Variants in PCDHGA2 observed in about 807,000 individuals in gnomAD.
PCDHGA2 encodes protocadherin gamma-A2.
Under a neutral mutation model 59.2 loss-of-function variants are expected in PCDHGA2, and 40 were observed. That is an observed-to-expected ratio of 0.68 (90% CI 0.52 to 0.88). The LOEUF is 0.88. Among genes scored for constraint, PCDHGA2 ranks in the 40% least tolerant of loss-of-function variants. The probability of loss-of-function intolerance (pLI) is 0.00; values close to 1 mark genes in which losing one functional copy is unlikely to be tolerated. For missense variants in PCDHGA2, 1,226 were observed against 1,204.0 expected, an observed-to-expected ratio of 1.02 and a Z score of -0.27; for synonymous variants, 560 against 526.0, an observed-to-expected ratio of 1.06 and a Z score of -0.89.
At chr5:141,437,930 G>A (rs142381129) in intron 1 of PCDHGA2, among the ~76,000 whole-genome samples, 2,019 of 152,152 alleles carry the variant, frequency 0.013, 16 homozygotes, top group Middle Eastern at 0.034. Context: ...TAGAGATGGG[G>A]TTTCACCATA....
chr5:141,422,194 C>A, intron 1 of PCDHGA2: 1 of 1,562,366 alleles, frequency 6.4e-7, no homozygotes, highest in South Asian at 1.2e-5. Flanking sequence ...AATTCAAGGC[C>A]AAGATGGTGG....
intron 1 of PCDHGA2, chr5:141,421,770 G>A: frequency 6.2e-7 from 1 of 1,613,856 alleles, no homozygotes; most frequent in Non-Finnish European, 8.5e-7. Context: ...ACTTTTCCTT[G>A]CAACTGCGGG....
chr5:141,376,294 C>G lies in PCDHGA2; in HGVS notation c.2424+34899C>G, dbSNP rs572453488. Reference sequence around the variant, plus strand: ...GAGGTGGCTTAGCGAGCATGCCCGGCTCGCACTTTGTGGGCGTGGAAGGGG... The same window carrying G: ...GAGGTGGCTTAGCGAGCATGCCCGGGTCGCACTTTGTGGGCGTGGAAGGGG... On this transcript the variant is annotated intron_variant, in intron 1 of 3. Transcript: ENST00000394576. 8.7e-6 allele frequency: 14 copies of G among 1,614,226 alleles called. No individual in the cohort carries two copies. The Admixed American group carries it at 2.3e-4, about 27-fold the overall frequency.
intron 1 of PCDHGA2, chr5:141,356,089 C>T (rs1490232734): frequency 1.2e-6 from 2 of 1,613,748 alleles, no homozygotes; most frequent in Admixed American, 3.3e-5. Context: ...GTTGAATTCT[C>T]TGAGTGGGGA....
At chr5:141,372,152 C>G in intron 1 of PCDHGA2, 1 of 1,613,792 alleles carries the variant, frequency 6.2e-7, no homozygotes, top group East Asian at 2.2e-5. Context: ...AGCCTGGCTA[C>G]CTGGTGACCA....
At position 141,485,464 on chromosome 5, in the gene PCDHGA2, G is replaced by A. The variant is rs2099614016; in HGVS notation, c.2425-9343G>A. ...CAATCGACCGAGAGGCACTGTGTGG[G>A]CTCAGTGCCAGCTGCATCGTGCCCC... is the stretch of plus-strand genomic sequence containing the variant. On this transcript the variant is annotated intron_variant, in intron 1 of 3. Coordinates refer to ENST00000394576, the MANE Select transcript of PCDHGA2 (RefSeq NM_018915.4). The surrounding 1 kb of genome is among the most constrained non-coding windows in gnomAD (Gnocchi z 5.7). 6.2e-7 allele frequency: 1 copy of A among 1,614,106 alleles called. No homozygotes were observed. The highest frequency in any genetic ancestry group is 8.5e-7 in the Non-Finnish European group (1 of 1,179,958).
chr5:141,390,297 G>C, intron 1 of PCDHGA2: 2 of 1,613,826 alleles, frequency 1.2e-6, no homozygotes, highest in Non-Finnish European at 1.7e-6. Context: ...TTTCCTTTAA[G>C]TATAATTTAA....
intron 3 of PCDHGA2, 43 bp from the exon 4 acceptor site, chr5:141,510,903 GA>G: frequency 6.2e-7 from 1 of 1,613,454 alleles, no homozygotes; most frequent in Non-Finnish European, 8.5e-7. Flanking sequence ...GACTGTTGAG[GA>G]CCCTAAGTTT....
intron 1 of PCDHGA2, chr5:141,366,326 G>T: frequency 6.2e-7 from 1 of 1,613,810 alleles, no homozygotes. Flanking sequence ...TGCCGTGGCC[G>T]ACAGGATCCC....
Position 141,422,964 on chromosome 5 carries a change from G to C in PCDHGA2, c.2425-71843G>C, listed in dbSNP as rs375881737. 1.0e-4 allele frequency: 161 copies of C among 1,614,190 alleles called. No individual in the cohort carries two copies. In the African/African-American group the frequency reaches 1.9e-3, roughly 20 times the overall value. ...ACGGCTCCACTGGCGTGGAGCTGGC[G>C]CCCCGCTCTGCGGAACCTGGCTACC... On this transcript the variant is annotated intron_variant, in intron 1 of 3. Coordinates refer to ENST00000394576, the MANE Select transcript of PCDHGA2 (RefSeq NM_018915.4).
intron 1 of PCDHGA2, among the ~76,000 whole-genome samples, chr5:141,406,795 C>G (rs1277584347): frequency 6.6e-6 from 1 of 152,204 alleles, no homozygotes; most frequent in African/African-American, 2.4e-5. Context: ...TTATTTCTGG[C>G]TCAATTCTCC....
chr5:141,340,108 C>T lies in PCDHGA2; in HGVS notation c.1137C>T (p.Asn379=), dbSNP rs756410712. The change falls in exon 1 of 4, where the codon AAC becomes AAT. Residue 379 remains asparagine (N), a synonymous_variant. Transcript: ENST00000394576. ...TACATGATAGAGACTCTGGGCAGAA[C>T]GCATTCACCACCTGTTCACTCCCCG... ...FNVHDRDSGQ[N]AFTTCSLPED... 1.9e-5 allele frequency: 30 copies of T among 1,614,016 alleles called. No homozygotes were observed. Among genetic ancestry groups the T allele is most frequent in the Non-Finnish European group, 2.5e-5 (29 of 1,179,910 alleles).
intron 1 of PCDHGA2, among the ~76,000 whole-genome samples, chr5:141,386,837 A>G (rs551845645): frequency 1.3e-5 from 2 of 152,378 alleles, no homozygotes; most frequent in Middle Eastern, 6.8e-3. Context: ...ATGGAGAGAC[A>G]TAATCACTAA....
At chr5:141,422,897 A>AT (rs778069795) in intron 1 of PCDHGA2, 4 of 1,614,212 alleles carry the variant, frequency 2.5e-6, no homozygotes, top group Non-Finnish European at 3.4e-6. Flanking sequence ...CTGGACCAGA[A>AT]CGACAATGCG....
chr5:141,386,298 A>T (rs1459802596), intron 1 of PCDHGA2, among the ~76,000 whole-genome samples: 1 of 152,242 alleles, frequency 6.6e-6, no homozygotes, highest in African/African-American at 2.4e-5. Flanking sequence ...ACATTTTAGT[A>T]AAGCTCAGTA....
At chr5:141,354,916 A>G (rs916741222) in intron 1 of PCDHGA2, 3 of 411,270 alleles carry the variant, frequency 7.3e-6, no homozygotes, top group African/African-American at 6.2e-5. Flanking sequence ...AAAAGTGTAT[A>G]AAAAATAAAC....
chr5:141,399,460 G>C (rs1465606526), intron 1 of PCDHGA2: 1 of 1,613,962 alleles, frequency 6.2e-7, no homozygotes, highest in Admixed American at 1.7e-5. Context: ...CAACGATAAC[G>C]CTCCGGTTTT....
intron 1 of PCDHGA2, chr5:141,383,500 G>T: frequency 6.2e-7 from 1 of 1,613,078 alleles, no homozygotes; most frequent in East Asian, 2.2e-5. Flanking sequence ...GCGGGTGCTG[G>T]ACCGGGAGGA....
intron 1 of PCDHGA2, chr5:141,427,995 G>T (rs1292989797): frequency 6.3e-7 from 1 of 1,599,590 alleles, no homozygotes; most frequent in Non-Finnish European, 8.6e-7. Flanking sequence ...CGATGGCTCC[G>T]CACTCTTCGA....
Sources: gnomAD v4.1 joint callset for allele counts (sites outside exome capture counted in the v4.1 genomes callset) on GRCh38, gnomAD v4.1.1 for gene constraint, Gnocchi (gnomAD v3.1) non-coding constraint, MANE v1.5 for transcripts, NCBI Gene and HGNC (gene_info 2026-07-23, HGNC 2026-07-21) for gene names.